Variants in CUL3 observed in about 807,000 individuals in gnomAD.
The protein encoded by CUL3 is cullin 3.
In CUL3, 19 loss-of-function variants were observed where a neutral mutation model predicts 89.1. The ratio of observed to expected loss-of-function variants is 0.21; its 90% CI spans 0.15 to 0.31. The LOEUF (loss-of-function observed/expected upper bound fraction) is 0.31, where lower values mean the gene tolerates loss of function less well. Among genes scored for constraint, CUL3 ranks in the 10% least tolerant of loss-of-function variants. CUL3 has a pLI of 1.00. For missense variants in CUL3, 469 were observed against 942.3 expected (o/e 0.50, Z 6.58); for synonymous variants, 351 against 308.4 (o/e 1.14, Z -1.45).
At chr2:224,487,359 A>T (rs1691765270) in intron 13 of CUL3, among the ~76,000 whole-genome samples, 2 of 148,122 alleles carry the variant, frequency 1.4e-5, no homozygotes, top group African/African-American at 2.5e-5. Flanking sequence ...AGTGTGCTGT[A>T]TTCAGGAGAC....
chr2:224,509,744 T>C (rs1345248965), intron 6 of CUL3, among the ~76,000 whole-genome samples: 3 of 152,202 alleles, frequency 2.0e-5, no homozygotes, highest in Admixed American at 6.5e-5. Flanking sequence ...CATCAAACAT[T>C]TCCTATCCCC....
intron 10 of CUL3, among the ~76,000 whole-genome samples, chr2:224,502,177 A>G (rs1692418021): frequency 6.6e-6 from 1 of 152,212 alleles, no homozygotes; most frequent in Non-Finnish European, 1.5e-5. Context: ...GCGAGACTAT[A>G]AGGCCAGTAG....
rs575153722 is a variant in CUL3 at position 224,472,842 on chromosome 2, T to G, written c.*1403A>C. 7.3e-4 allele frequency: 153 copies of G among 208,326 alleles called. No individual in the cohort carries two copies. Among genetic ancestry groups the G allele is most frequent in the African/African-American group, 3.4e-3 (150 of 44,148 alleles). 12.9% of individuals were successfully genotyped at this position (208,326 alleles called of 1,614,324 possible). A position where few individuals can be genotyped will look rare whatever the true frequency, so the allele number is the denominator to read the frequency against. On this transcript the variant is annotated 3_prime_UTR_variant, in exon 16 of 16. Coordinates refer to ENST00000264414, the MANE Select transcript of CUL3 (RefSeq NM_003590.5). ...CAGAAACCATCTTCTGAGACATACA[T>G]TCTAATAAATGTATCAACAGTACTG... is the stretch of plus-strand genomic sequence containing the variant.
chr2:224,510,515 A>G (rs1692780428), intron 6 of CUL3, among the ~76,000 whole-genome samples: 1 of 151,958 alleles, frequency 6.6e-6, no homozygotes, highest in Non-Finnish European at 1.5e-5. Context: ...CATGACCCCA[A>G]CAGGCAATAT....
At chr2:224,529,617 G>GA (rs535757235) in intron 3 of CUL3, among the ~76,000 whole-genome samples, 118 of 144,602 alleles carry the variant, frequency 8.2e-4, no homozygotes, top group East Asian at 1.6e-3. Context: ...CTCTCAAAAA[G>GA]AAAAAAAAAA....
rs533374759 is a variant in CUL3, at chr2:224,472,307, CACTT to C, written c.*1934_*1937del. 3.1e-3 allele frequency: 655 copies of C among 213,926 alleles called. 2 individuals are homozygous for C. Among genetic ancestry groups the C allele is most frequent in the Non-Finnish European group, 4.4e-3 (467 of 105,932 alleles). 13.3% of individuals were successfully genotyped at this position (213,926 alleles called of 1,614,324 possible). On this transcript the variant is annotated 3_prime_UTR_variant, in exon 16 of 16. Transcript: ENST00000264414. ...ACTAGCACTAAAATGTTTAATGTCT[CACTT>C]AGGAGATTTCAAATAAAGTTTTTAC...
chr2:224,494,551 T>C (rs1385736801), intron 13 of CUL3, among the ~76,000 whole-genome samples: 2 of 151,866 alleles, frequency 1.3e-5, no homozygotes, highest in East Asian at 1.9e-4. Flanking sequence ...AAGACAGACA[T>C]AGAGATCAAT....
chr2:224,488,875 C>T (rs1691844582), intron 13 of CUL3, among the ~76,000 whole-genome samples: 1 of 152,166 alleles, frequency 6.6e-6, no homozygotes, highest in Non-Finnish European at 1.5e-5. Context: ...AAAATACTGG[C>T]AAACCGAATC....
chr2:224,501,200 C>A (rs762476563), intron 10 of CUL3, among the ~76,000 whole-genome samples: 39 of 152,154 alleles, frequency 2.6e-4, no homozygotes, highest in Non-Finnish European at 3.7e-4. Context: ...TATCTTAATA[C>A]ATATTTCTAA....
intron 2 of CUL3, among the ~76,000 whole-genome samples, chr2:224,543,250 G>T (rs899443186): frequency 1.3e-5 from 2 of 152,020 alleles, no homozygotes; most frequent in African/African-American, 4.8e-5. Flanking sequence ...CCAAATTCAG[G>T]ACAACATTAG....
chr2:224,574,434 G>A (rs1222194936), intron 1 of CUL3, among the ~76,000 whole-genome samples: 2 of 152,190 alleles, frequency 1.3e-5, no homozygotes, highest in East Asian at 1.9e-4. Context: ...TGAGCAAGTA[G>A]TATTCTCCTC....
intron 1 of CUL3, among the ~76,000 whole-genome samples, chr2:224,568,012 C>G (rs1013516810): frequency 1.3e-5 from 2 of 152,190 alleles, no homozygotes; most frequent in African/African-American, 4.8e-5. Context: ...ATTTCCATCA[C>G]TGTCACAGCC....
intron 1 of CUL3, among the ~76,000 whole-genome samples, chr2:224,581,229 T>C (rs911538917): frequency 1.3e-5 from 2 of 151,828 alleles, no homozygotes; most frequent in African/African-American, 4.8e-5. Context: ...ACCCCATCTC[T>C]ACTAAAAAGA....
At chr2:224,560,356 C>T (rs1410177600) in intron 1 of CUL3, 1 of 152,074 alleles carries the variant, frequency 6.6e-6, no homozygotes, top group African/African-American at 2.4e-5. Flanking sequence ...CATTCTCTGG[C>T]CCCCTCTGTA....
chr2:224,492,217 G>A (rs1175631920), intron 13 of CUL3, among the ~76,000 whole-genome samples: 1 of 152,106 alleles, frequency 6.6e-6, no homozygotes, highest in African/African-American at 2.4e-5. Context: ...CTTGCTAATT[G>A]TGTTATTCAA....
intron 13 of CUL3, among the ~76,000 whole-genome samples, chr2:224,487,443 CAAAA>C (rs530054431): frequency 8.2e-3 from 228 of 27,958 alleles, no homozygotes; most frequent in South Asian, 9.9e-3. Context: ...CCGCCCCCCC[CAAAA>C]AAAAAAAAAA....
intron 2 of CUL3, among the ~76,000 whole-genome samples, chr2:224,553,966 G>A (rs1694609968): frequency 1.3e-5 from 2 of 152,142 alleles, no homozygotes; most frequent in South Asian, 4.1e-4. Context: ...CTCATGGAGT[G>A]ACTGCTCACG....
At chr2:224,474,421 T>C (rs200834513) in intron 15 of CUL3, 45 bp from the exon 16 acceptor site, 2 of 1,548,580 alleles carry the variant, frequency 1.3e-6, no homozygotes, top group African/African-American at 1.4e-5. Context: ...CACATAAAAA[T>C]TCGTATCTTT....
At chr2:224,488,686 A>G (rs1359265249) in intron 13 of CUL3, among the ~76,000 whole-genome samples, 1 of 152,196 alleles carries the variant, frequency 6.6e-6, no homozygotes, top group Admixed American at 6.5e-5. Flanking sequence ...CAGAAGTACA[A>G]AGAGGAGCTG....
Sources: gnomAD v4.1 joint callset for allele counts (sites outside exome capture counted in the v4.1 genomes callset) on GRCh38, gnomAD v4.1.1 for gene constraint, MANE v1.5 for transcripts, NCBI Gene and HGNC (gene_info 2026-07-23, HGNC 2026-07-21) for gene names.